The following GTF2E2 variants were observed in gnomAD, a reference collection of about 807,000 sequenced individuals.
GTF2E2 encodes general transcription factor IIE subunit 2.
In GTF2E2, 21 loss-of-function variants were observed where a neutral mutation model predicts 40.5. The ratio of observed to expected loss-of-function variants is 0.52; its 90% CI spans 0.37 to 0.75. GTF2E2 has a LOEUF of 0.75. GTF2E2 is among the 30% of genes least tolerant of loss of function. The probability of loss-of-function intolerance (pLI) is 0.00; values close to 1 mark genes in which losing one functional copy is unlikely to be tolerated. For synonymous variants in GTF2E2, 117 were observed against 121.6 expected (o/e 0.96, Z 0.25); for missense variants, 298 against 338.4 (o/e 0.88, Z 0.94).
At chr8:30,608,193 A>T (rs1365906981) in intron 5 of GTF2E2, among the ~76,000 whole-genome samples, 2 of 152,246 alleles carry the variant, frequency 1.3e-5, no homozygotes, top group East Asian at 3.8e-4. Flanking sequence ...AAAATTCATC[A>T]TAGGAATAAA....
intron 6 of GTF2E2, among the ~76,000 whole-genome samples, chr8:30,581,479 T>C (rs6468407): frequency 0.81 from 123,710 of 152,210 alleles, 50,965 homozygotes; most frequent in African/African-American, 0.93. Flanking sequence ...GATGCCCACA[T>C]AGGCAGGACT....
chr8:30,626,746 G>C (rs1024054463), intron 3 of GTF2E2, among the ~76,000 whole-genome samples: 17 of 152,198 alleles, frequency 1.1e-4, no homozygotes, highest in African/African-American at 4.1e-4. Flanking sequence ...GCAAGAGAGA[G>C]AGAACAGCCT....
At chr8:30,590,091 T>C (rs940946375) in intron 6 of GTF2E2, among the ~76,000 whole-genome samples, 2 of 152,204 alleles carry the variant, frequency 1.3e-5, no homozygotes, top group African/African-American at 2.4e-5. Flanking sequence ...AATCACCCTA[T>C]GCTCCTCTGC....
At chr8:30,622,319 T>G (rs62505305) in intron 3 of GTF2E2, among the ~76,000 whole-genome samples, 133 of 151,982 alleles carry the variant, frequency 8.8e-4, no homozygotes, top group Non-Finnish European at 1.7e-3. Context: ...CACATGTCAG[T>G]AGGTTCCGTG....
chr8:30,618,062 G>A (rs1429622841), intron 3 of GTF2E2, among the ~76,000 whole-genome samples: 2 of 152,142 alleles, frequency 1.3e-5, no homozygotes, highest in Non-Finnish European at 2.9e-5. Context: ...ACTTTGGGAG[G>A]CCGAGGCAGA....
At chr8:30,592,969 G>A (rs1326817748) in intron 6 of GTF2E2, among the ~76,000 whole-genome samples, 1 of 152,198 alleles carries the variant, frequency 6.6e-6, no homozygotes, top group East Asian at 1.9e-4. Context: ...GGGAGGCTGA[G>A]GCAGGCGGGT....
intron 7 of GTF2E2, among the ~76,000 whole-genome samples, chr8:30,579,959 C>T (rs948998714): frequency 3.9e-5 from 6 of 152,192 alleles, no homozygotes; most frequent in Non-Finnish European, 7.3e-5. Context: ...CAAGGCACAG[C>T]ATCCCTTTAA....
At chr8:30,616,963 A>T (rs899584286) in intron 3 of GTF2E2, among the ~76,000 whole-genome samples, 5 of 152,184 alleles carry the variant, frequency 3.3e-5, no homozygotes, top group Admixed American at 6.5e-5. Flanking sequence ...ATCACAAGAA[A>T]CTAATAAAAG....
intron 6 of GTF2E2, among the ~76,000 whole-genome samples, chr8:30,605,230 AAT>A (rs879361313): frequency 2.6e-5 from 4 of 152,256 alleles, no homozygotes; most frequent in Non-Finnish European, 4.4e-5. Context: ...AGAACATTTA[AAT>A]ATGTTTGTTG....
chr8:30,625,259 A>AC lies in GTF2E2; in HGVS notation c.258+9772dup, dbSNP rs1251721307. 2.6e-5 allele frequency among the ~76,000 whole-genome samples: 4 copies of AC among 152,016 alleles called. No homozygotes were observed. In the East Asian group the frequency reaches 5.8e-4, roughly 22 times the overall value. On this transcript the variant is annotated intron_variant, in intron 3 of 7. Coordinates refer to ENST00000355904, the MANE Select transcript of GTF2E2 (RefSeq NM_002095.6). ...TTTGTCAAAGGCCTTTTCTGCATCT[A>AC]CTGAGATAATCATGTGGTTTTTGTC...
intron 5 of GTF2E2, among the ~76,000 whole-genome samples, chr8:30,609,031 G>A (rs1270992924): frequency 6.6e-6 from 1 of 152,166 alleles, no homozygotes; most frequent in Non-Finnish European, 1.5e-5. Context: ...TTACAGGCGT[G>A]AGCCACTGCA....
At chr8:30,620,927 T>C (rs1563492525) in intron 3 of GTF2E2, among the ~76,000 whole-genome samples, 1 of 149,570 alleles carries the variant, frequency 6.7e-6, no homozygotes, top group Non-Finnish European at 1.5e-5. Flanking sequence ...ATATTACATC[T>C]TGGAAAAAAA....
At chr8:30,583,265 C>T (rs950988028) in intron 6 of GTF2E2, among the ~76,000 whole-genome samples, 3 of 152,152 alleles carry the variant, frequency 2.0e-5, no homozygotes, top group Admixed American at 6.5e-5. Flanking sequence ...ACCTGGGAGG[C>T]GGAGGGTGCA....
intron 4 of GTF2E2, among the ~76,000 whole-genome samples, chr8:30,613,364 C>T (rs1800798743): frequency 6.6e-6 from 1 of 152,136 alleles, no homozygotes; most frequent in Non-Finnish European, 1.5e-5. Context: ...AGTAGGAATG[C>T]AGGAATTACT....
At chr8:30,585,433 A>G (rs1828650870) in intron 6 of GTF2E2, among the ~76,000 whole-genome samples, 1 of 152,228 alleles carries the variant, frequency 6.6e-6, no homozygotes, top group South Asian at 2.1e-4. Flanking sequence ...ATTTATGTAA[A>G]GCAGAAGAAA....
At chr8:30,637,840 A>G (rs1281773336) in intron 2 of GTF2E2, among the ~76,000 whole-genome samples, 1 of 152,204 alleles carries the variant, frequency 6.6e-6, no homozygotes. Flanking sequence ...AATTTTAAAA[A>G]AGAAGTCTAC....
At chr8:30,602,040 C>A (rs1829194647) in intron 6 of GTF2E2, among the ~76,000 whole-genome samples, 1 of 145,818 alleles carries the variant, frequency 6.9e-6, no homozygotes, top group African/African-American at 2.6e-5. Context: ...TTTTTTGAGA[C>A]AGAGCCTTGC....
At chr8:30,634,517 C>A (rs1163478178) in intron 3 of GTF2E2, among the ~76,000 whole-genome samples, 1 of 152,032 alleles carries the variant, frequency 6.6e-6, no homozygotes, top group Non-Finnish European at 1.5e-5. Flanking sequence ...ACTTTGTATT[C>A]AAAAAATACT....
chr8:30,619,092 C>T (rs1169371804), intron 3 of GTF2E2, among the ~76,000 whole-genome samples: 1 of 151,944 alleles, frequency 6.6e-6, no homozygotes, highest in Admixed American at 6.6e-5. Context: ...CAGGCATGTG[C>T]CACCACACCA....
Sources: gnomAD v4.1 joint callset for allele counts (sites outside exome capture counted in the v4.1 genomes callset) on GRCh38, gnomAD v4.1.1 for gene constraint, MANE v1.5 for transcripts, NCBI Gene and HGNC (gene_info 2026-07-23, HGNC 2026-07-21) for gene names.